Variants in CUX1 observed in about 807,000 individuals in gnomAD.
The protein encoded by CUX1 is protein CASP.
A neutral mutation model predicts 158.8 loss-of-function variants in CUX1; 31 were observed. The ratio of observed to expected loss-of-function variants is 0.20; its 90% CI spans 0.15 to 0.26. The LOEUF (loss-of-function observed/expected upper bound fraction) is 0.26, where lower values mean the gene tolerates loss of function less well. Ranked by LOEUF, CUX1 falls within the 10% of genes least tolerant of loss-of-function variation. CUX1 has a pLI of 1.00. For missense variants in CUX1, 1,589 were observed against 2,014.6 expected (o/e 0.79, Z 4.04); for synonymous variants, 879 against 862.1 (o/e 1.02, Z -0.34).
chr7:102,192,096 T>G (rs1245244948), intron 12 of CUX1, among the ~76,000 whole-genome samples: 1 of 152,202 alleles, frequency 6.6e-6, no homozygotes, highest in Admixed American at 6.5e-5. Flanking sequence ...CACTTCCTGG[T>G]GAACCAGCTG....
upstream of CUX1, chr7:101,817,203 T>C (rs899781568): frequency 2.0e-6 from 2 of 983,574 alleles, no homozygotes; most frequent in African/African-American, 3.5e-5. The surrounding 1 kb of genome is among the most constrained non-coding windows in gnomAD (Gnocchi z 4.1). Context: ...GCCCGGGCAG[T>C]GTACGCTGCC....
chr7:102,216,710 C>T (rs1797219391), intron 20 of CUX1, among the ~76,000 whole-genome samples: 1 of 144,224 alleles, frequency 6.9e-6, no homozygotes, highest in South Asian at 2.3e-4. Flanking sequence ...CACACGCACT[C>T]TCCACACACA....
chr7:101,834,768 G>T (rs534071212), intron 1 of CUX1, among the ~76,000 whole-genome samples: 2 of 152,178 alleles, frequency 1.3e-5, no homozygotes, highest in African/African-American at 4.8e-5. Context: ...GGATGCTGAA[G>T]CGGGCAGACC....
chr7:102,216,627 ACACCCCCACACACG>A (rs1797164496), intron 20 of CUX1, among the ~76,000 whole-genome samples: 1 of 96,508 alleles, frequency 1.0e-5, no homozygotes. Flanking sequence ...CCCCACACAC[ACACCCCCACACACG>A]CACACACACA....
intron 11 of CUX1, among the ~76,000 whole-genome samples, chr7:102,186,509 T>A (rs1241552422): frequency 6.6e-6 from 1 of 152,122 alleles, no homozygotes; most frequent in Non-Finnish European, 1.5e-5. Flanking sequence ...GGCTGTGTTC[T>A]GAGAAATGCG....
intron 1 of CUX1, chr7:101,819,032 C>G (rs944228184): frequency 5.9e-5 from 9 of 152,284 alleles, no homozygotes; most frequent in South Asian, 2.1e-4. Context: ...GGGTTCTTGT[C>G]CCTCGGCTTC....
At chr7:102,193,097 G>C (rs1794449931) in intron 12 of CUX1, among the ~76,000 whole-genome samples, 1 of 152,232 alleles carries the variant, frequency 6.6e-6, no homozygotes, top group South Asian at 2.1e-4. Flanking sequence ...TGGCTTCTGA[G>C]TCATCCAAGT....
chr7:102,173,977 CG>C, intron 10 of CUX1, among the ~76,000 whole-genome samples: 1 of 152,160 alleles, frequency 6.6e-6, no homozygotes, highest in East Asian at 1.9e-4. Flanking sequence ...AGCAGAGAAA[CG>C]GTGGAGTCTG....
intron 2 of CUX1, among the ~76,000 whole-genome samples, chr7:102,003,597 C>T (rs1350827740): frequency 6.6e-6 from 1 of 152,120 alleles, no homozygotes; most frequent in Non-Finnish European, 1.5e-5. Context: ...GGGTCAGGGG[C>T]CTGGGCTCTG....
chr7:101,925,429 A>G (rs1483920981), intron 2 of CUX1, among the ~76,000 whole-genome samples: 1 of 152,110 alleles, frequency 6.6e-6, no homozygotes, highest in East Asian at 1.9e-4. Context: ...ATTTCTATAG[A>G]GATAGAAACC....
chr7:102,124,747 T>G (rs1832426249), intron 8 of CUX1, among the ~76,000 whole-genome samples: 1 of 152,116 alleles, frequency 6.6e-6, no homozygotes, highest in South Asian at 2.1e-4. Context: ...GTGACTATAG[T>G]TAATGCCGGT....
chr7:102,181,091 G>A (rs909256169), intron 11 of CUX1, among the ~76,000 whole-genome samples: 1 of 151,858 alleles, frequency 6.6e-6, no homozygotes, highest in Non-Finnish European at 1.5e-5. Context: ...ACAGGCATGA[G>A]CCACCACTTC....
At chr7:102,128,145 G>A (rs782655782) in intron 8 of CUX1, among the ~76,000 whole-genome samples, 1 of 152,206 alleles carries the variant, frequency 6.6e-6, no homozygotes, top group South Asian at 2.1e-4. Context: ...GCCGGCTGTG[G>A]CATCTTGAGG....
intron 1 of CUX1, among the ~76,000 whole-genome samples, chr7:101,839,513 A>G (rs1794995385): frequency 1.3e-5 from 2 of 151,938 alleles, no homozygotes; most frequent in South Asian, 4.2e-4. Flanking sequence ...CTTTGTGGAG[A>G]TATTTTTTGC....
chr7:101,931,743 T>C (rs1387134610), intron 2 of CUX1, among the ~76,000 whole-genome samples: 2 of 152,126 alleles, frequency 1.3e-5, no homozygotes, highest in Non-Finnish European at 2.9e-5. Context: ...TTTGTATTTG[T>C]TGTAGGGAGG....
intron 9 of CUX1, among the ~76,000 whole-genome samples, chr7:102,158,956 A>G (rs1790098654): frequency 6.6e-6 from 1 of 152,220 alleles, no homozygotes; most frequent in Non-Finnish European, 1.5e-5. Context: ...CCATGGAATT[A>G]TCCTCGGAGA....
chr7:102,007,310 C>T (rs1437108217), intron 2 of CUX1, among the ~76,000 whole-genome samples: 1 of 152,086 alleles, frequency 6.6e-6, no homozygotes, highest in African/African-American at 2.4e-5. Flanking sequence ...TCACTGAGGC[C>T]CTCGGCTCTT....
chr7:102,107,173 G>T (rs1830447013), intron 6 of CUX1, among the ~76,000 whole-genome samples: 1 of 150,954 alleles, frequency 6.6e-6, no homozygotes, highest in Admixed American at 6.6e-5. Context: ...GTTCCAGGCT[G>T]CAGTGAGCTA....
intron 1 of CUX1, among the ~76,000 whole-genome samples, chr7:101,868,409 A>G (rs913421402): frequency 4.6e-5 from 7 of 152,026 alleles, no homozygotes; most frequent in African/African-American, 1.7e-4. Flanking sequence ...ATGTGTTGGC[A>G]TTTCCTGGGT....
Sources: gnomAD v4.1 joint callset for allele counts (sites outside exome capture counted in the v4.1 genomes callset) on GRCh38, gnomAD v4.1.1 for gene constraint, Gnocchi (gnomAD v3.1) non-coding constraint, MANE v1.5 for transcripts, NCBI Gene and HGNC (gene_info 2026-07-23, HGNC 2026-07-21) for gene names.